MORC3: variants seen among roughly 807,000 people sequenced by gnomAD.
MORC3 encodes MORC family CW-type zinc finger 3, also known as MORC family CW-type zinc finger protein 3.
A neutral mutation model predicts 109.1 loss-of-function variants in MORC3; 31 were observed. The observed-to-expected ratio is 0.28, with a 90% CI of 0.21 to 0.38. The LOEUF is 0.38. Among genes scored for constraint, MORC3 ranks in the 10% least tolerant of loss-of-function variants. The probability of loss-of-function intolerance (pLI) is 1.00; values close to 1 mark genes in which losing one functional copy is unlikely to be tolerated. For missense variants in MORC3, 867 were observed against 1,135.8 expected, an observed-to-expected ratio of 0.76 and a Z score of 3.40; for synonymous variants, 395 against 380.7, an observed-to-expected ratio of 1.04 and a Z score of -0.44.
intron 2 of MORC3, among the ~76,000 whole-genome samples, chr21:36,334,847 G>GGCTGGGCACACAGTTGTTCACACCTGT (rs1941028012): frequency 2.6e-5 from 4 of 152,104 alleles, no homozygotes; most frequent in Admixed American, 2.0e-4. Flanking sequence ...TTCATGCATA[G>GGCTGGGCACACAGTTGTTCACACCTGT]GCTGGGCACA....
chr21:36,370,924 C>A (rs1047204781), intron 15 of MORC3, among the ~76,000 whole-genome samples: 1 of 152,004 alleles, frequency 6.6e-6, no homozygotes, highest in Non-Finnish European at 1.5e-5. Context: ...CCATCTTGGC[C>A]TCCCAAAGTG....
chr21:36,322,208 A>G (rs2146281128), intron 1 of MORC3, among the ~76,000 whole-genome samples: 1 of 152,300 alleles, frequency 6.6e-6, no homozygotes, highest in East Asian at 1.9e-4. Flanking sequence ...GCGAAATACA[A>G]ATTTCAGTTT....
At chr21:36,337,639 T>C (rs773670828) in intron 3 of MORC3, 93 bp from the exon 4 acceptor site, 4 of 880,406 alleles carry the variant, frequency 4.5e-6, no homozygotes, top group Non-Finnish European at 6.4e-6. Context: ...GTATTACAAT[T>C]AATGAATTAA....
intron 9 of MORC3, among the ~76,000 whole-genome samples, chr21:36,355,774 CCT>C (rs899780085): frequency 6.6e-6 from 1 of 151,496 alleles, no homozygotes; most frequent in African/African-American, 2.4e-5. Context: ...AAAGCAATAC[CCT>C]GTCTCTACAA....
intron 1 of MORC3, among the ~76,000 whole-genome samples, chr21:36,330,974 C>T (rs73202286): frequency 0.052 from 7,892 of 152,274 alleles, 271 homozygotes; most frequent in Middle Eastern, 0.11. Context: ...GTCTAAATTG[C>T]ATATATACCA....
intron 2 of MORC3, among the ~76,000 whole-genome samples, chr21:36,334,027 T>C (rs1224889346): frequency 6.6e-6 from 1 of 151,834 alleles, no homozygotes; most frequent in Non-Finnish European, 1.5e-5. Flanking sequence ...GACCTCGTGA[T>C]CCGCCTGCCT....
At chr21:36,353,866 G>T (rs1176549387) in intron 9 of MORC3, among the ~76,000 whole-genome samples, 1 of 141,934 alleles carries the variant, frequency 7.0e-6, no homozygotes, top group African/African-American at 2.6e-5. Context: ...CCAAAGTGCT[G>T]GGATTACAGG....
In MORC3 at chr21:36,369,027, T is replaced by C; in HGVS notation, c.1659T>C (p.Asn553=). 6.2e-7 allele frequency: 1 copy of C among 1,612,144 alleles called. No homozygotes were observed. Among genetic ancestry groups the C allele is most frequent in the African/African-American group, 1.3e-5 (1 of 75,000 alleles). Reference sequence around the variant, plus strand: ...TTTCTACTCGTTCCTCAATTTTGAATGCAAAGAATCGGAGATTGAGTAGTC... The same window carrying C: ...TTTCTACTCGTTCCTCAATTTTGAACGCAAAGAATCGGAGATTGAGTAGTC... The part of the protein sequence containing the change: ...RRLSTRSSIL[N]AKNRRLSSQF... Residue 553 remains asparagine (N), a synonymous_variant, in exon 15 of 17, where the codon AAT becomes AAC. Coordinates refer to ENST00000400485, the MANE Select transcript of MORC3 (RefSeq NM_015358.3).
rs757679280 is a variant in MORC3 at position 36,364,213 on chromosome 21, C to T, written c.1573C>T (p.Leu525=). The change falls in exon 14 of 17, where the codon CTA becomes TTA. Residue 525 remains leucine, a synonymous_variant. Coordinates refer to ENST00000400485, the MANE Select transcript of MORC3 (RefSeq NM_015358.3). The part of the protein sequence containing the change: ...EGTNSYATRL[L]NNHQVPPQSE... ...AACAAATTCTTATGCGACAAGACTT[C>T]TAAATAATCATCAAGTTCCACCTCA... 11 of 1,614,150 alleles carry T rather than the reference C, an allele frequency of 6.8e-6. No individual in the cohort carries two copies. In the South Asian group the frequency reaches 1.2e-4, roughly 18 times the overall value.
chr21:36,341,432 G>A lies in MORC3; in HGVS notation c.642G>A (p.Lys214=). The change falls in exon 6 of 17, where the codon AAG becomes AAA. Residue 214 remains lysine (K), a synonymous_variant. Transcript: ENST00000400485. ...ATGCAACAGAGTTCGATTTTGAAAA[G>A]GATAAATATGATATCAGAATTCCCG... ...YKNATEFDFE[K]DKYDIRIPED... 1.2e-6 allele frequency: 2 copies of A among 1,609,594 alleles called. No homozygotes were observed. Among genetic ancestry groups the A allele is most frequent in the Non-Finnish European group, 1.7e-6 (2 of 1,179,132 alleles).
At chr21:36,363,874 A>G (rs1326664863) in intron 13 of MORC3, among the ~76,000 whole-genome samples, 1 of 152,172 alleles carries the variant, frequency 6.6e-6, no homozygotes, top group Non-Finnish European at 1.5e-5. Flanking sequence ...TTGTTTCTTC[A>G]CACCTTTTAA....
At chr21:36,367,525 A>G (rs2085794506) in intron 14 of MORC3, among the ~76,000 whole-genome samples, 1 of 151,554 alleles carries the variant, frequency 6.6e-6, no homozygotes, top group Non-Finnish European at 1.5e-5. Flanking sequence ...CAGTCGGAAG[A>G]TAGAGAAAGA....
chr21:36,327,543 C>T (rs1002797375), intron 1 of MORC3, among the ~76,000 whole-genome samples: 30 of 151,076 alleles, frequency 2.0e-4, no homozygotes, highest in Non-Finnish European at 2.9e-5. Flanking sequence ...GCTTTGTAGA[C>T]AGAAAAAGGC....
intron 1 of MORC3, among the ~76,000 whole-genome samples, chr21:36,327,951 A>C (rs975242346): frequency 4.0e-5 from 6 of 150,612 alleles, no homozygotes; most frequent in African/African-American, 1.5e-4. Context: ...ATCTTGGCTC[A>C]CTGCAACCTC....
In MORC3 at chr21:36,325,976, G is replaced by A. The variant is rs532263712; in HGVS notation, c.39+5673G>A. On this transcript the variant is annotated intron_variant, in intron 1 of 16. Coordinates refer to ENST00000400485, the MANE Select transcript of MORC3 (RefSeq NM_015358.3). ...CGCCTCAGCACTTTGGGAGGCCGAG[G>A]CAGGGGGATCACTTGAGGTCAGGAG... Among the ~76,000 whole-genome samples the A allele has an allele frequency of 8.2e-4, 125 of 152,292 alleles. 2 individuals are homozygous for A. The South Asian group carries it at 0.019, about 23-fold the overall frequency.
intron 9 of MORC3, among the ~76,000 whole-genome samples, chr21:36,351,750 A>G (rs1019583783): frequency 6.6e-6 from 1 of 152,250 alleles, no homozygotes; most frequent in African/African-American, 2.4e-5. Context: ...GTAAATTAGT[A>G]TAGTTGCTAT....
At chr21:36,332,348 A>G (rs761320244) in intron 1 of MORC3, among the ~76,000 whole-genome samples, 1 of 152,054 alleles carries the variant, frequency 6.6e-6, no homozygotes, top group Non-Finnish European at 1.5e-5. Context: ...AGGCAGGAGA[A>G]CCGCTTGAAC....
chr21:36,374,755 C>T (rs1000433075), intron 16 of MORC3, among the ~76,000 whole-genome samples: 21 of 152,176 alleles, frequency 1.4e-4, no homozygotes, highest in African/African-American at 5.1e-4. Flanking sequence ...TCACTGCAGC[C>T]TTGACCTCCT....
At chr21:36,374,484 A>G (rs919351549) in intron 16 of MORC3, among the ~76,000 whole-genome samples, 13 of 152,270 alleles carry the variant, frequency 8.5e-5, no homozygotes, top group African/African-American at 2.9e-4. Flanking sequence ...AACTATGGAT[A>G]TCTTATAGAA....
Sources: allele counts gnomAD v4.1 joint callset (sites outside exome capture counted in the v4.1 genomes callset), GRCh38; gene constraint gnomAD v4.1.1; transcripts MANE v1.5; gene names NCBI Gene and HGNC (gene_info 2026-07-23, HGNC 2026-07-21).